The following NTRK3 variants were observed in gnomAD, a reference collection of about 807,000 sequenced individuals.
The protein encoded by NTRK3 is neurotrophic receptor tyrosine kinase 3, also known as NT-3 growth factor receptor.
A neutral mutation model predicts 91.7 loss-of-function variants in NTRK3; 24 were observed. That is an observed-to-expected ratio of 0.26 (90% CI 0.19 to 0.37). The LOEUF (loss-of-function observed/expected upper bound fraction) is 0.37, where lower values mean the gene tolerates loss of function less well. NTRK3 is among the 10% of genes least tolerant of loss of function. NTRK3 has a pLI of 1.00. For synonymous variants in NTRK3, 483 were observed against 404.0 expected (o/e 1.20, Z -2.34); for missense variants, 880 against 1,068.9 (o/e 0.82, Z 2.46).
At chr15:88,232,395 T>A (rs2141750498) in intron 3 of NTRK3, among the ~76,000 whole-genome samples, 1 of 152,312 alleles carries the variant, frequency 6.6e-6, no homozygotes, top group South Asian at 2.1e-4. Flanking sequence ...CTCTGCAATA[T>A]CTGGCTATGC....
chr15:88,169,564 TGA>T (rs2151492776), intron 5 of NTRK3, among the ~76,000 whole-genome samples: 1 of 152,248 alleles, frequency 6.6e-6, no homozygotes, highest in South Asian at 2.1e-4. Flanking sequence ...GCTGCCTCAG[TGA>T]GAGAGATCTC....
chr15:87,996,976 T>A (rs534427281), intron 14 of NTRK3, among the ~76,000 whole-genome samples: 2 of 152,226 alleles, frequency 1.3e-5, no homozygotes, highest in Non-Finnish European at 2.9e-5. Flanking sequence ...ATTCAATGCC[T>A]AGCAGCCCTG....
intron 3 of NTRK3, among the ~76,000 whole-genome samples, chr15:88,245,018 C>G (rs2052688877): frequency 6.6e-6 from 1 of 152,232 alleles, no homozygotes; most frequent in South Asian, 2.1e-4. Context: ...CACTCTGACA[C>G]TTGGTATTCC....
intron 3 of NTRK3, among the ~76,000 whole-genome samples, chr15:88,248,474 A>G (rs913287506): frequency 6.6e-6 from 1 of 152,098 alleles, no homozygotes; most frequent in African/African-American, 2.4e-5. Flanking sequence ...CTAGACTTTT[A>G]CATCAACTCT....
rs1201674994 is a variant in NTRK3, at chr15:88,233,635, C to A, written c.248+22271G>T. 6.6e-6 allele frequency among the ~76,000 whole-genome samples: 1 copy of A among 152,134 alleles called. No homozygotes were observed. The highest frequency in any genetic ancestry group is 2.4e-5 in the African/African-American group (1 of 41,418). On this transcript the variant is annotated intron_variant, in intron 3 of 18. Transcript: ENST00000394480. The surrounding 1 kb of genome is among the most constrained non-coding windows in gnomAD (Gnocchi z 4.2). ...CAAAACTCTCTTCCTTCCACAAAAA[C>A]CAAATGCAGGGTCTTGGTTTCTTTT... is the stretch of plus-strand genomic sequence containing the variant.
At chr15:88,178,020 A>G (rs1760678559) in intron 5 of NTRK3, among the ~76,000 whole-genome samples, 1 of 152,244 alleles carries the variant, frequency 6.6e-6, no homozygotes, top group Non-Finnish European at 1.5e-5. Flanking sequence ...TGATCTTTCT[A>G]TCTTCAAAGC....
intron 14 of NTRK3, among the ~76,000 whole-genome samples, chr15:87,968,776 T>C (rs1013116571): frequency 6.6e-6 from 1 of 152,162 alleles, no homozygotes; most frequent in Non-Finnish European, 1.5e-5. Context: ...TGTGTAGAGA[T>C]GGAAGAGAGA....
intron 5 of NTRK3, among the ~76,000 whole-genome samples, chr15:88,164,874 C>A (rs147018017): frequency 4.6e-5 from 7 of 152,306 alleles, no homozygotes; most frequent in Middle Eastern, 3.4e-3. Context: ...TTGTCCAATT[C>A]TGCAAAATGT....
rs185364452 is a variant in NTRK3 at position 88,078,054 on chromosome 15, G to T, written c.1397-45009C>A. On this transcript the variant is annotated intron_variant, in intron 13 of 18. Coordinates refer to ENST00000394480, the Ensembl canonical transcript of NTRK3. ...AAAGACAGCAACCCCCTGCCCAGGGGCCATGCCTCTAAGAATAGAGGACAA... is the reference window on the plus strand; with the variant it reads ...AAAGACAGCAACCCCCTGCCCAGGGTCCATGCCTCTAAGAATAGAGGACAA... Among the ~76,000 whole-genome samples, 228 of 152,312 alleles carry T rather than the reference G, an allele frequency of 1.5e-3. 2 individuals are homozygous for T. Among genetic ancestry groups the T allele is most frequent in the African/African-American group, 5.3e-3 (221 of 41,564 alleles).
intron 3 of NTRK3, among the ~76,000 whole-genome samples, chr15:88,184,767 T>C (rs544320234): frequency 6.6e-6 from 1 of 152,246 alleles, no homozygotes; most frequent in South Asian, 2.1e-4. Context: ...CCAGTGGGCA[T>C]AGCCAAGGAG....
chr15:88,177,066 T>C (rs1237305390), intron 5 of NTRK3, among the ~76,000 whole-genome samples: 3 of 152,088 alleles, frequency 2.0e-5, no homozygotes, highest in Non-Finnish European at 4.4e-5. Flanking sequence ...AAAACTCCAA[T>C]GTGGGAATGA....
chr15:88,144,844 C>A (rs549115421), intron 6 of NTRK3, among the ~76,000 whole-genome samples: 8 of 152,264 alleles, frequency 5.3e-5, no homozygotes, highest in African/African-American at 1.7e-4. Context: ...TCCATTCTTA[C>A]AGCAAGGATC....
chr15:88,239,003 C>A (rs559407751), intron 3 of NTRK3, among the ~76,000 whole-genome samples: 1 of 152,164 alleles, frequency 6.6e-6, no homozygotes, highest in African/African-American at 2.4e-5. Flanking sequence ...AGTGGCTGTG[C>A]GGATTAAATG....
At chr15:88,177,622 T>C (rs2046114961) in intron 5 of NTRK3, among the ~76,000 whole-genome samples, 1 of 152,136 alleles carries the variant, frequency 6.6e-6, no homozygotes, top group South Asian at 2.1e-4. Flanking sequence ...GAGGAAGGGC[T>C]TGGTATGAAA....
intron 13 of NTRK3, among the ~76,000 whole-genome samples, chr15:88,123,410 G>C (rs571672266): frequency 6.6e-6 from 1 of 152,304 alleles, no homozygotes; most frequent in African/African-American, 2.4e-5. Flanking sequence ...GGAACTTCTG[G>C]TACCGGTGTC....
rs1354470666 is a variant in NTRK3, at chr15:88,223,276, C to T, written c.248+32630G>A. 3.9e-5 allele frequency among the ~76,000 whole-genome samples: 6 copies of T among 152,348 alleles called. No homozygotes were observed. In the South Asian group the frequency reaches 8.3e-4, roughly 21 times the overall value. On this transcript the variant is annotated intron_variant, in intron 3 of 18. Coordinates refer to ENST00000394480, the Ensembl canonical transcript of NTRK3. ...CATCACACCAGGTCACCCGGGAGGA[C>T]GCAGTGGCCTGTGTCACCAGGCGTG...
intron 13 of NTRK3, among the ~76,000 whole-genome samples, chr15:88,063,160 G>A (rs926900476): frequency 2.6e-5 from 4 of 152,230 alleles, no homozygotes; most frequent in Admixed American, 2.6e-4. Context: ...GATTAATTCA[G>A]GTGAAGTGTT....
intron 11 of NTRK3, among the ~76,000 whole-genome samples, chr15:88,127,870 A>G (rs1444390541): frequency 6.6e-6 from 1 of 152,134 alleles, no homozygotes; most frequent in Non-Finnish European, 1.5e-5. Flanking sequence ...CTAAGTATCA[A>G]TTTTCCCCTC....
chr15:88,056,152 G>C (rs1567305356), intron 13 of NTRK3, among the ~76,000 whole-genome samples: 1 of 140,210 alleles, frequency 7.1e-6, no homozygotes. Context: ...CGTGGGTGAA[G>C]CATTACAAGC....
Sources: allele counts gnomAD v4.1 joint callset (sites outside exome capture counted in the v4.1 genomes callset), GRCh38; gene constraint gnomAD v4.1.1; non-coding constraint Gnocchi (gnomAD v3.1); transcripts MANE v1.5; gene names NCBI Gene and HGNC (gene_info 2026-07-23, HGNC 2026-07-21).